The following PLEKHM1 variants were observed in gnomAD, a reference collection of about 807,000 sequenced individuals.
The protein encoded by PLEKHM1 is pleckstrin homology and RUN domain containing M1.
Under a neutral mutation model 94.3 loss-of-function variants are expected in PLEKHM1, and 28 were observed. The observed-to-expected ratio is 0.30, with a 90% CI of 0.22 to 0.41. PLEKHM1 has a LOEUF of 0.41. PLEKHM1 is among the 10% of genes least tolerant of loss of function. The probability of loss-of-function intolerance (pLI) is 1.00; values close to 1 mark genes in which losing one functional copy is unlikely to be tolerated. For missense variants in PLEKHM1, 907 were observed against 1,358.6 expected, an observed-to-expected ratio of 0.67 and a Z score of 5.22; for synonymous variants, 424 against 581.2, an observed-to-expected ratio of 0.73 and a Z score of 3.89.
Position 45,453,896 on chromosome 17 carries a change from C to A in PLEKHM1, c.1956G>T (p.Gln652His). Reference protein sequence around the residue: ...DQPEEPPEAPQGCLSPSDLLS... With the variant: ...DQPEEPPEAPHGCLSPSDLLS... ...GCAGGTCTGAGGGAGAGAGGCAGCCCTGGGGCGCCTCGGGGGGTTCCTCAG... is the reference window on the plus strand; with the variant it reads ...GCAGGTCTGAGGGAGAGAGGCAGCCATGGGGCGCCTCGGGGGGTTCCTCAG... The change falls in exon 7 of 12, where the codon CAG (glutamine) becomes CAT (histidine). Residue 652 changes from glutamine (Q) to histidine (H), a missense_variant. By Grantham distance (24) the Gln-to-His change is conservative (BLOSUM62 0). Coordinates refer to ENST00000430334, the MANE Select transcript of PLEKHM1 (RefSeq NM_014798.3). The surrounding 1 kb of genome is among the most constrained non-coding windows in gnomAD (Gnocchi z 4.1). 1 of 1,613,844 alleles carries A rather than the reference C, an allele frequency of 6.2e-7. No individual in the cohort carries two copies. The highest frequency in any genetic ancestry group is 1.7e-5 in the Admixed American group (1 of 60,022).
rs1254412068 is a variant in PLEKHM1 at position 45,437,003 on chromosome 17, A to G, written c.*855T>C. The G allele has an allele frequency of 4.4e-6, 2 of 453,514 alleles. No individual in the cohort carries two copies. The highest frequency in any genetic ancestry group is 4.0e-5 in the African/African-American group (2 of 49,986). The allele number at this position is 453,514 out of a possible 1,614,324, so 28.1% of individuals were successfully genotyped here. On this transcript the variant is annotated 3_prime_UTR_variant, in exon 12 of 12. Coordinates refer to ENST00000430334, the MANE Select transcript of PLEKHM1 (RefSeq NM_014798.3). This position sits in a 1 kb window ranked among gnomAD's most constrained non-coding sequence, Gnocchi z 4.0. ...CTGTCTGTAGAGGGGTGAGGAGCGC[A>G]CGGGGATCGGGGGTGGGCAAGACGG... is the stretch of plus-strand genomic sequence containing the variant.
intron 8 of PLEKHM1, among the ~76,000 whole-genome samples, chr17:45,450,393 C>G (rs1405748699): frequency 1.3e-5 from 2 of 152,188 alleles, no homozygotes; most frequent in Non-Finnish European, 2.9e-5. Context: ...AAACTCTTTC[C>G]TCCTGGGGAC....
At chr17:45,461,041 C>T (rs1203371168) in intron 5 of PLEKHM1, among the ~76,000 whole-genome samples, 26 of 152,118 alleles carry the variant, frequency 1.7e-4, no homozygotes, top group Non-Finnish European at 3.2e-4. Context: ...CCTGCCACCA[C>T]GCCTGGCTAA....
At chr17:45,452,187 A>G (rs1361253807) in intron 7 of PLEKHM1, among the ~76,000 whole-genome samples, 1 of 151,924 alleles carries the variant, frequency 6.6e-6, no homozygotes, top group South Asian at 2.1e-4. Context: ...ACAATGGAAC[A>G]TGGGCAGGGG....
intron 5 of PLEKHM1, among the ~76,000 whole-genome samples, chr17:45,461,739 C>T (rs557386790): frequency 6.6e-6 from 1 of 152,302 alleles, no homozygotes; most frequent in African/African-American, 2.4e-5. Flanking sequence ...GCCCCTGCAA[C>T]CCCAGGCAGC....
chr17:45,477,481 G>C (rs190817723), intron 3 of PLEKHM1: 1 of 265,718 alleles, frequency 3.8e-6, no homozygotes, highest in Non-Finnish European at 7.4e-6. Context: ...ATAATCTAAG[G>C]CAGGGTCAGC....
In PLEKHM1 at chr17:45,444,309, G is replaced by A. The variant is rs1399350264; in HGVS notation, c.2837+1161C>T. ...TCCGCCTGAGGTCTGCCCTCCTGAG[G>A]GTGCTGGGAGAGTACAGCCCTGGGA... On this transcript the variant is annotated intron_variant, in intron 9 of 11. Transcript: ENST00000430334. This position sits in a 1 kb window ranked among gnomAD's most constrained non-coding sequence, Gnocchi z 5.0. Among the ~76,000 whole-genome samples the A allele has an allele frequency of 6.6e-6, 1 of 152,220 alleles. No homozygotes were observed. Among genetic ancestry groups the A allele is most frequent in the African/African-American group, 2.4e-5 (1 of 41,452 alleles).
At chr17:45,473,083 T>C (rs550126168) in intron 4 of PLEKHM1, among the ~76,000 whole-genome samples, 2 of 152,164 alleles carry the variant, frequency 1.3e-5, no homozygotes, top group East Asian at 1.9e-4. Flanking sequence ...GGAGTGTAAA[T>C]GGGCAATAAT....
At position 45,436,049 on chromosome 17, in the gene PLEKHM1, G is replaced by A. The variant is rs796246379; in HGVS notation, c.*1809C>T. 43 of 456,636 alleles carry A rather than the reference G, an allele frequency of 9.4e-5. No homozygotes were observed. Among genetic ancestry groups the A allele is most frequent in the African/African-American group, 8.2e-4 (41 of 50,210 alleles). The allele number at this position is 456,636 out of a possible 1,614,324, so 28.3% of individuals were successfully genotyped here. On this transcript the variant is annotated 3_prime_UTR_variant, in exon 12 of 12. Transcript: ENST00000430334. ...AAATAACATTTTAAAAATAGTGTGG[G>A]CACTACCTTTCTGAGGGAGGGGAGG...
intron 6 of PLEKHM1, among the ~76,000 whole-genome samples, chr17:45,456,778 T>A (rs909551627): frequency 6.6e-6 from 1 of 152,200 alleles, no homozygotes; most frequent in Non-Finnish European, 1.5e-5. Flanking sequence ...ACTTTTTTTG[T>A]TTGTTTTGAA....
chr17:45,455,335 C>A (rs540314296), intron 6 of PLEKHM1, among the ~76,000 whole-genome samples: 1 of 151,990 alleles, frequency 6.6e-6, no homozygotes, highest in Non-Finnish European at 1.5e-5. Context: ...TGGCCTCTCA[C>A]GTTAGAGTGC....
At chr17:45,478,626 T>C (rs1334377377) in intron 2 of PLEKHM1, among the ~76,000 whole-genome samples, 1 of 152,158 alleles carries the variant, frequency 6.6e-6, no homozygotes, top group Non-Finnish European at 1.5e-5. Flanking sequence ...CACACTGCTT[T>C]AGAACAATAA....
At chr17:45,440,004 G>C (rs769199753) in intron 10 of PLEKHM1, 159 bp downstream of exon 10, 16 of 715,368 alleles carry the variant, frequency 2.2e-5, no homozygotes, top group Non-Finnish European at 3.7e-5. Flanking sequence ...TGCCCAGGAA[G>C]CTGGGGCAGC....
At chr17:45,462,063 A>C (rs1475178883) in intron 5 of PLEKHM1, among the ~76,000 whole-genome samples, 1 of 152,092 alleles carries the variant, frequency 6.6e-6, no homozygotes, top group Non-Finnish European at 1.5e-5. Context: ...CCAGTCCCTG[A>C]ATCAAGACTG....
chr17:45,481,439 A>G (rs1388968732), intron 2 of PLEKHM1, among the ~76,000 whole-genome samples: 3 of 150,862 alleles, frequency 2.0e-5, no homozygotes, highest in Non-Finnish European at 4.4e-5. Flanking sequence ...TTTAAAAGCA[A>G]GATGTTATTT....
intron 1 of PLEKHM1, among the ~76,000 whole-genome samples, chr17:45,490,337 G>A (rs548216394): frequency 6.6e-6 from 1 of 152,278 alleles, no homozygotes; most frequent in African/African-American, 2.4e-5. Context: ...ACGTGGCCGA[G>A]ATCGGTGTTG....
At chr17:45,485,534 TCA>T (rs961539198) in intron 1 of PLEKHM1, among the ~76,000 whole-genome samples, 1 of 152,150 alleles carries the variant, frequency 6.6e-6, no homozygotes, top group Non-Finnish European at 1.5e-5. Flanking sequence ...GATAGAGTAT[TCA>T]CAGAGTATTC....
chr17:45,458,479 T>C (rs2051045213), intron 5 of PLEKHM1, 40 bp from the exon 6 acceptor site: 5 of 1,591,072 alleles, frequency 3.1e-6, no homozygotes, highest in Non-Finnish European at 4.3e-6. Flanking sequence ...TTTTAAAGTT[T>C]TTTTGTTTTG....
chr17:45,438,612 A>G (rs1463037754), intron 11 of PLEKHM1, among the ~76,000 whole-genome samples: 1 of 151,946 alleles, frequency 6.6e-6, no homozygotes, highest in Non-Finnish European at 1.5e-5. Flanking sequence ...GCTGGAGTGC[A>G]GTGGCACGAT....
Sources: gnomAD v4.1 joint callset for allele counts (sites outside exome capture counted in the v4.1 genomes callset) on GRCh38, gnomAD v4.1.1 for gene constraint, Gnocchi (gnomAD v3.1) non-coding constraint, MANE v1.5 for transcripts, NCBI Gene and HGNC (gene_info 2026-07-23, HGNC 2026-07-21) for gene names.